The following ABTB3 variants were observed in gnomAD, a reference collection of about 807,000 sequenced individuals.
ABTB3 encodes the protein ankyrin repeat and BTB domain containing 3.
the ABTB3 span, among the ~76,000 whole-genome samples, chr12:107,387,611 C>G: frequency 6.6e-6 from 1 of 152,284 alleles, no homozygotes; most frequent in South Asian, 2.1e-4. Context: ...GAGTAGTTGT[C>G]TCATTTTTGA....
the ABTB3 span, among the ~76,000 whole-genome samples, chr12:107,472,102 C>T: frequency 6.6e-6 from 1 of 152,138 alleles, no homozygotes; most frequent in African/African-American, 2.4e-5. Flanking sequence ...CTGAGGGGCT[C>T]TTGTACATGT....
the ABTB3 span, among the ~76,000 whole-genome samples, chr12:107,327,839 C>G: frequency 2.0e-5 from 3 of 152,198 alleles, no homozygotes; most frequent in African/African-American, 7.2e-5. Flanking sequence ...ATGAAAGCTG[C>G]TTTCTCATTC....
At chr12:107,630,188 T>C in the ABTB3 span, among the ~76,000 whole-genome samples, 1 of 152,310 alleles carries the variant, frequency 6.6e-6, no homozygotes, top group East Asian at 1.9e-4. Context: ...GCATCTTTGG[T>C]GCCACCACGG....
the ABTB3 span, among the ~76,000 whole-genome samples, chr12:107,508,589 G>A: frequency 1.3e-5 from 2 of 151,378 alleles, no homozygotes; most frequent in Non-Finnish European, 2.9e-5. Flanking sequence ...TGAGTAGCTG[G>A]GACTACAGGC....
At chr12:107,388,262 G>A in the ABTB3 span, among the ~76,000 whole-genome samples, 11 of 151,810 alleles carry the variant, frequency 7.2e-5, no homozygotes, top group Non-Finnish European at 1.0e-4. Flanking sequence ...ATGAGCCACC[G>A]CACCCGGCCC....
At chr12:107,616,613 G>A in the ABTB3 span, among the ~76,000 whole-genome samples, 1 of 152,182 alleles carries the variant, frequency 6.6e-6, no homozygotes, top group East Asian at 1.9e-4. Flanking sequence ...GGCCCCGGGA[G>A]ACCCCCAAAG....
the ABTB3 span, among the ~76,000 whole-genome samples, chr12:107,627,703 C>A: frequency 0.058 from 8,888 of 152,246 alleles, 394 homozygotes; most frequent in Middle Eastern, 0.11. Flanking sequence ...GGGCCCCTAG[C>A]ATCTGCATTG....
the ABTB3 span, among the ~76,000 whole-genome samples, chr12:107,355,058 C>A: frequency 6.6e-6 from 1 of 152,190 alleles, no homozygotes; most frequent in Non-Finnish European, 1.5e-5. Context: ...GCTTTTATTG[C>A]CAGTAATGTT....
chr12:107,632,627 G>A, the ABTB3 span, among the ~76,000 whole-genome samples: 2 of 152,318 alleles, frequency 1.3e-5, no homozygotes, highest in African/African-American at 2.4e-5. Context: ...GGCAACACCT[G>A]TTTATTATCT....
chr12:107,555,404 A>G, the ABTB3 span, among the ~76,000 whole-genome samples: 1 of 152,204 alleles, frequency 6.6e-6, no homozygotes, highest in Non-Finnish European at 1.5e-5. Context: ...TACGAGGTTC[A>G]AGTTTAAGAA....
At chr12:107,533,322 A>G in the ABTB3 span, among the ~76,000 whole-genome samples, 1 of 152,228 alleles carries the variant, frequency 6.6e-6, no homozygotes, top group African/African-American at 2.4e-5. Context: ...ATTAAAAGGT[A>G]TAGACTGGCT....
chr12:107,564,064 GTCTC>G, the ABTB3 span, among the ~76,000 whole-genome samples: 3 of 149,520 alleles, frequency 2.0e-5, no homozygotes, highest in Admixed American at 6.7e-5. Flanking sequence ...CTTAAAATGA[GTCTC>G]TCTCTCTCTC....
At chr12:107,508,330 A>G in the ABTB3 span, among the ~76,000 whole-genome samples, 26 of 150,264 alleles carry the variant, frequency 1.7e-4, no homozygotes, top group African/African-American at 5.6e-4. Flanking sequence ...GCAAGTATGT[A>G]TGGTCACCTT....
chr12:107,561,152 G>C, the ABTB3 span, among the ~76,000 whole-genome samples: 4 of 152,080 alleles, frequency 2.6e-5, no homozygotes, highest in Non-Finnish European at 4.4e-5. Flanking sequence ...CCTTTGTCCC[G>C]TTGCTCTGTA....
chr12:107,324,124 A>G, the ABTB3 span, among the ~76,000 whole-genome samples: 1 of 152,228 alleles, frequency 6.6e-6, no homozygotes, highest in Non-Finnish European at 1.5e-5. Context: ...TGGTGCTGAC[A>G]CATGGTAGGT....
At chr12:107,475,751 G>A in the ABTB3 span, among the ~76,000 whole-genome samples, 1 of 152,054 alleles carries the variant, frequency 6.6e-6, no homozygotes, top group Non-Finnish European at 1.5e-5. Flanking sequence ...GCACTAAGAG[G>A]TCAAGAATAA....
chr12:107,448,865 C>T, the ABTB3 span, among the ~76,000 whole-genome samples: 3 of 152,236 alleles, frequency 2.0e-5, no homozygotes, highest in African/African-American at 7.2e-5. Flanking sequence ...GCCACCACAC[C>T]TGGCCCCAGA....
At chr12:107,607,834 G>A in the ABTB3 span, among the ~76,000 whole-genome samples, 2 of 152,288 alleles carry the variant, frequency 1.3e-5, no homozygotes, top group South Asian at 2.1e-4. Flanking sequence ...AGTGATGAGG[G>A]ACAGGCCAGG....
At chr12:107,609,037 C>T in the ABTB3 span, among the ~76,000 whole-genome samples, 1 of 151,778 alleles carries the variant, frequency 6.6e-6, no homozygotes, top group African/African-American at 2.4e-5. Flanking sequence ...CAGTGGTCAT[C>T]TCCCCCACGA....
Sources: gnomAD v4.1 joint callset for allele counts (sites outside exome capture counted in the v4.1 genomes callset) on GRCh38, gnomAD v4.1.1 for gene constraint, MANE v1.5 for transcripts, NCBI Gene and HGNC (gene_info 2026-07-23, HGNC 2026-07-21) for gene names.